CTNNA3: variants seen among roughly 807,000 people sequenced by gnomAD.
The protein encoded by CTNNA3 is catenin alpha 3, also known as catenin alpha-3.
CTNNA3 carries 76 observed loss-of-function variants against 95.7 expected under a neutral mutation model. The ratio of observed to expected loss-of-function variants is 0.79; its 90% confidence interval spans 0.66 to 0.96. The LOEUF is 0.96. Among genes scored for constraint, CTNNA3 ranks in the 40% least tolerant of loss-of-function variants. The pLI is 0.00. For synonymous variants in CTNNA3, 431 were observed against 374.4 expected (o/e 1.15, Z -1.74); for missense variants, 1,191 against 1,089.8 (o/e 1.09, Z -1.31).
At chr10:67,040,200 G>C (rs1854305992) in intron 7 of CTNNA3, among the ~76,000 whole-genome samples, 1 of 152,028 alleles carries the variant, frequency 6.6e-6, no homozygotes, top group African/African-American at 2.4e-5. Flanking sequence ...TTAATGTTCT[G>C]AAGACACAGG....
At chr10:67,327,137 G>T (rs1298391996) in intron 5 of CTNNA3, among the ~76,000 whole-genome samples, 4 of 152,086 alleles carry the variant, frequency 2.6e-5, no homozygotes, top group Non-Finnish European at 1.5e-5. Flanking sequence ...ATTTTATCAT[G>T]ATTTTTAGCT....
chr10:67,338,118 A>C (rs899117515), intron 5 of CTNNA3, among the ~76,000 whole-genome samples: 3 of 152,186 alleles, frequency 2.0e-5, no homozygotes, highest in African/African-American at 7.2e-5. Context: ...GCTGTAAAGA[A>C]ATACCCAAGG....
chr10:65,975,131 C>T (rs1178384593), intron 16 of CTNNA3, among the ~76,000 whole-genome samples: 2 of 152,046 alleles, frequency 1.3e-5, no homozygotes, highest in Admixed American at 6.6e-5. Context: ...GAGTCAAAGT[C>T]GATAATAATC....
chr10:67,607,784 T>A (rs1313354214), intron 2 of CTNNA3, among the ~76,000 whole-genome samples: 1 of 152,200 alleles, frequency 6.6e-6, no homozygotes, highest in Non-Finnish European at 1.5e-5. Context: ...TCTTAGTGAT[T>A]GAATTTCAAA....
At chr10:66,444,927 C>G (rs1054223116) in intron 11 of CTNNA3, among the ~76,000 whole-genome samples, 4 of 151,940 alleles carry the variant, frequency 2.6e-5, no homozygotes, top group African/African-American at 9.7e-5. Context: ...TTCAGGAAAC[C>G]CATCTCACGT....
chr10:66,704,117 A>T (rs1019804577), intron 9 of CTNNA3, among the ~76,000 whole-genome samples: 6 of 152,078 alleles, frequency 3.9e-5, no homozygotes, highest in Admixed American at 6.6e-5. Context: ...TTAAATACAC[A>T]ATCAATATTT....
rs1334801054 is a variant in CTNNA3 at position 66,553,462 on chromosome 10, C to G, written c.1375-32689G>C. 5.4e-5 allele frequency among the ~76,000 whole-genome samples: 8 copies of G among 147,890 alleles called. No individual in the cohort carries two copies. The East Asian group carries it at 1.6e-3, about 29-fold the overall frequency. ...TATCTTTTTTTTTTTCAGTGATTAC[C>G]CTAGAAGTGACAACATGAATTATTC... On this transcript the variant is annotated intron_variant, in intron 10 of 17. Transcript: ENST00000433211.
rs182663408 is a variant in CTNNA3, at chr10:67,623,839, G to A, written c.100-16790C>T. Reference sequence around the variant, plus strand: ...TTTATTATTATTATTATTTTGAGACGGAGTTTCGCTCTTGTTGCCCAGGCT... The same window carrying A: ...TTTATTATTATTATTATTTTGAGACAGAGTTTCGCTCTTGTTGCCCAGGCT... On this transcript the variant is annotated intron_variant, in intron 2 of 17. Coordinates refer to ENST00000433211, the MANE Select transcript of CTNNA3 (RefSeq NM_013266.4). Among the ~76,000 whole-genome samples, 6 of 152,026 alleles carry A rather than the reference G, an allele frequency of 3.9e-5. No individual in the cohort carries two copies. In the East Asian group the frequency reaches 5.8e-4, roughly 15 times the overall value.
At position 67,243,042 on chromosome 10, in the gene CTNNA3, CCT is replaced by C. The variant is rs144242142; in HGVS notation, c.580-23174_580-23173del. 3.6e-3 allele frequency among the ~76,000 whole-genome samples: 545 copies of C among 152,202 alleles called. 2 individuals carry two copies. The highest frequency in any genetic ancestry group is 9.1e-3 in the East Asian group (47 of 5,170). The stretch of plus-strand genomic sequence containing the variant: ...TATTCCCTCTTTACAATATTTCTCC[CCT>C]GTTTTCTTAGATGACAGCAACCTAA... On this transcript the variant is annotated intron_variant, in intron 5 of 17. Coordinates refer to ENST00000433211, the MANE Select transcript of CTNNA3 (RefSeq NM_013266.4).
rs12413888 is a variant in CTNNA3 at position 67,605,934 on chromosome 10, G to C, written c.292+923C>G. Among the ~76,000 whole-genome samples, 5,202 of 152,282 alleles carry C rather than the reference G, an allele frequency of 0.034. 621 individuals are homozygous for C. The East Asian group carries it at 0.44, about 13-fold the overall frequency. On this transcript the variant is annotated intron_variant, in intron 3 of 17. Coordinates refer to ENST00000433211, the MANE Select transcript of CTNNA3 (RefSeq NM_013266.4). ...AATCCACCTGCCTTGGCCTCCCAAA[G>C]TGCTGGGATTACAGGCATGGGCCAC...
intron 7 of CTNNA3, among the ~76,000 whole-genome samples, chr10:66,808,198 A>C (rs890396765): frequency 6.6e-6 from 1 of 152,132 alleles, no homozygotes; most frequent in Admixed American, 6.6e-5. Flanking sequence ...GACTGCTAAG[A>C]AGTCAACTCC....
At chr10:66,382,843 G>A (rs1332204603) in intron 11 of CTNNA3, among the ~76,000 whole-genome samples, 1 of 152,172 alleles carries the variant, frequency 6.6e-6, no homozygotes, top group African/African-American at 2.4e-5. Context: ...ACCTGCAGCT[G>A]AGGGACCTGA....
At chr10:67,432,340 T>G (rs1467010578) in intron 5 of CTNNA3, among the ~76,000 whole-genome samples, 3 of 152,030 alleles carry the variant, frequency 2.0e-5, no homozygotes, top group African/African-American at 7.2e-5. Context: ...TTCTATTAGT[T>G]TCCTGAGGCT....
At chr10:66,808,050 T>A (rs1391790929) in intron 7 of CTNNA3, among the ~76,000 whole-genome samples, 2 of 152,104 alleles carry the variant, frequency 1.3e-5, no homozygotes, top group Non-Finnish European at 2.9e-5. Context: ...TTTTGAAGTA[T>A]ATTAAATATA....
intron 7 of CTNNA3, among the ~76,000 whole-genome samples, chr10:67,158,771 A>G (rs1397817647): frequency 2.0e-5 from 3 of 152,072 alleles, no homozygotes; most frequent in Admixed American, 1.3e-4. Flanking sequence ...AAAAAGCTTC[A>G]TCGCTATCTT....
intron 11 of CTNNA3, among the ~76,000 whole-genome samples, chr10:66,399,606 C>G (rs903612762): frequency 6.6e-6 from 1 of 151,924 alleles, no homozygotes; most frequent in African/African-American, 2.4e-5. Flanking sequence ...CTGTCATCAG[C>G]TATCAAAGCC....
At chr10:67,398,136 G>A (rs1366819594) in intron 5 of CTNNA3, among the ~76,000 whole-genome samples, 3 of 152,196 alleles carry the variant, frequency 2.0e-5, no homozygotes, top group Non-Finnish European at 4.4e-5. Flanking sequence ...CCCCAGAATG[G>A]TAGATCTGCT....
At chr10:66,890,940 C>T (rs988271127) in intron 7 of CTNNA3, among the ~76,000 whole-genome samples, 1 of 151,890 alleles carries the variant, frequency 6.6e-6, no homozygotes, top group Non-Finnish European at 1.5e-5. Flanking sequence ...TTTGTGTGCC[C>T]CACCCACCTC....
chr10:66,830,041 A>G (rs530938532), intron 7 of CTNNA3, among the ~76,000 whole-genome samples: 2 of 152,218 alleles, frequency 1.3e-5, no homozygotes, highest in South Asian at 4.2e-4. Flanking sequence ...TATGTGACCA[A>G]ATGGGCACTA....
Sources: allele counts gnomAD v4.1 joint callset (sites outside exome capture counted in the v4.1 genomes callset), GRCh38; gene constraint gnomAD v4.1.1; transcripts MANE v1.5; gene names NCBI Gene and HGNC (gene_info 2026-07-23, HGNC 2026-07-21).